The following ALMS1 variants were observed in gnomAD, a reference collection of about 807,000 sequenced individuals.
ALMS1 encodes ALMS1 centrosome and basal body associated protein.
Under a neutral mutation model 352.2 loss-of-function variants are expected in ALMS1, and 271 were observed. The ratio of observed to expected loss-of-function variants is 0.77; its 90% CI spans 0.70 to 0.85. ALMS1 has a LOEUF of 0.85. Among genes scored for constraint, ALMS1 ranks in the 40% least tolerant of loss-of-function variants. ALMS1 has a pLI of 0.00. For missense variants in ALMS1, 5,445 were observed against 4,870.7 expected (o/e 1.12, Z -3.51); for synonymous variants, 1,865 against 1,761.2 (o/e 1.06, Z -1.48).
chr2:73,534,065 C>T (rs1673977759), intron 11 of ALMS1, among the ~76,000 whole-genome samples: 1 of 151,832 alleles, frequency 6.6e-6, no homozygotes, highest in Admixed American at 6.6e-5. Flanking sequence ...CTGGTATAAC[C>T]ATAAAAATGT....
At chr2:73,414,651 G>A (rs893061758) in intron 2 of ALMS1, among the ~76,000 whole-genome samples, 5 of 151,592 alleles carry the variant, frequency 3.3e-5, no homozygotes, top group Non-Finnish European at 5.9e-5. Flanking sequence ...ACGATAAATA[G>A]CATTTGACAC....
chr2:73,431,074 G>A (rs138440045), intron 6 of ALMS1, among the ~76,000 whole-genome samples: 83 of 152,106 alleles, frequency 5.5e-4, no homozygotes, highest in South Asian at 1.7e-3. Context: ...GGTGGGAGGC[G>A]TGTTTCCTGA....
chr2:73,465,692 T>G (rs1006308858), intron 9 of ALMS1, among the ~76,000 whole-genome samples: 16 of 150,920 alleles, frequency 1.1e-4, no homozygotes, highest in Admixed American at 1.0e-3. Context: ...ACCATCAGAG[T>G]GAAGAGGAAA....
intron 11 of ALMS1, among the ~76,000 whole-genome samples, chr2:73,524,862 C>T (rs1271957563): frequency 6.6e-6 from 1 of 152,176 alleles, no homozygotes; most frequent in Non-Finnish European, 1.5e-5. Flanking sequence ...TACCCATTAA[C>T]AATCCTCACT....
At chr2:73,487,786 C>T (rs972337534) in intron 9 of ALMS1, among the ~76,000 whole-genome samples, 3 of 152,206 alleles carry the variant, frequency 2.0e-5, no homozygotes, top group African/African-American at 7.2e-5. Context: ...TAGCTCCTTT[C>T]TGCAGGCAGG....
rs1573012023 is a variant in ALMS1, at chr2:73,548,998, T to G, written c.9908-1269T>G. Among the ~76,000 whole-genome samples the G allele has an allele frequency of 3.9e-5, 6 of 152,334 alleles. No individual in the cohort carries two copies. The South Asian group carries it at 1.2e-3, about 32-fold the overall frequency. On this transcript the variant is annotated intron_variant, in intron 12 of 22. Transcript: ENST00000613296. ...ATATAATCTATTTGGCCCAGAAGGCTTGGTGTTTTCCTTGCAGTCTGTCCT... is the reference window on the plus strand; with the variant it reads ...ATATAATCTATTTGGCCCAGAAGGCGTGGTGTTTTCCTTGCAGTCTGTCCT...
intron 1 of ALMS1, among the ~76,000 whole-genome samples, chr2:73,388,402 A>G (rs1670580682): frequency 6.6e-6 from 1 of 152,192 alleles, no homozygotes; most frequent in African/African-American, 2.4e-5. Flanking sequence ...GTGATAGTGT[A>G]ACATTGTACT....
rs139483711 is a variant in ALMS1, at chr2:73,424,068, G to A, written c.765-362G>A. On this transcript the variant is annotated intron_variant, in intron 4 of 22. Coordinates refer to ENST00000613296, the MANE Select transcript of ALMS1 (RefSeq NM_001378454.1). ...GCTGGGATCATAGGTGTGAGCCACT[G>A]TGCCTGGCCTTGCATGGTTTCAAGA... Among the ~76,000 whole-genome samples the A allele has an allele frequency of 5.5e-3, 834 of 152,284 alleles. 4 individuals are homozygous for A. The highest frequency in any genetic ancestry group is 0.013 in the Admixed American group (194 of 15,304).
chr2:73,569,818 T>G (rs571843930), intron 15 of ALMS1, among the ~76,000 whole-genome samples: 1 of 152,180 alleles, frequency 6.6e-6, no homozygotes, highest in South Asian at 2.1e-4. Context: ...TCAGGAAGAG[T>G]GGTACAAAAT....
intron 2 of ALMS1, among the ~76,000 whole-genome samples, chr2:73,413,057 A>G (rs1016860965): frequency 4.0e-5 from 6 of 151,508 alleles, no homozygotes; most frequent in Non-Finnish European, 8.8e-5. Context: ...TGATTTTAAC[A>G]TTCATTTCTC....
intron 1 of ALMS1, among the ~76,000 whole-genome samples, chr2:73,388,578 T>A (rs1670584885): frequency 6.6e-6 from 1 of 152,236 alleles, no homozygotes; most frequent in South Asian, 2.1e-4. Flanking sequence ...TATTTGATTT[T>A]CTGTTTCTGA....
At chr2:73,446,368 G>A (rs1197857907) in intron 7 of ALMS1, among the ~76,000 whole-genome samples, 1 of 152,052 alleles carries the variant, frequency 6.6e-6, no homozygotes, top group African/African-American at 2.4e-5. Context: ...GTTTTGTTTT[G>A]TTAATCTGTT....
intron 2 of ALMS1, among the ~76,000 whole-genome samples, chr2:73,415,588 G>A (rs777719812): frequency 1.2e-4 from 18 of 152,152 alleles, no homozygotes; most frequent in Non-Finnish European, 2.2e-4. Flanking sequence ...AAAATTAGGA[G>A]CGTTCAATAG....
At chr2:73,455,869 A>G (rs1420525678) in intron 9 of ALMS1, among the ~76,000 whole-genome samples, 1 of 152,202 alleles carries the variant, frequency 6.6e-6, no homozygotes, top group African/African-American at 2.4e-5. Flanking sequence ...AGAGAAGACT[A>G]AATGTCACCC....
intron 11 of ALMS1, among the ~76,000 whole-genome samples, chr2:73,525,549 A>C (rs1673772861): frequency 6.6e-6 from 1 of 152,120 alleles, no homozygotes; most frequent in Admixed American, 6.5e-5. Flanking sequence ...ACCTTTTCAT[A>C]AGCCTGTTTG....
rs1019479968 is a variant in ALMS1, at chr2:73,491,154, T to G, written c.9195T>G (p.Asp3065Glu). 1.2e-6 allele frequency: 2 copies of G among 1,614,200 alleles called. No homozygotes were observed. The highest frequency in any genetic ancestry group is 1.7e-6 in the Non-Finnish European group (2 of 1,180,014). The change falls in exon 10 of 23, where the codon GAT becomes GAG. Residue 3065 changes from aspartate to glutamate, a missense_variant. By Grantham distance (45) the Asp-to-Glu change is conservative (BLOSUM62 2). Transcript: ENST00000613296. ...TSSKLDSGTLDERFHSLDAAS... is the reference protein window; with the variant it reads ...TSSKLDSGTLEERFHSLDAAS... Reference sequence around the variant, plus strand: ...CCAAGTTGGATAGTGGAACTTTAGATGAAAGATTCCATTCATTGGATGCTG... The same window carrying G: ...CCAAGTTGGATAGTGGAACTTTAGAGGAAAGATTCCATTCATTGGATGCTG...
At chr2:73,560,981 C>T (rs186298658) in intron 15 of ALMS1, among the ~76,000 whole-genome samples, 1 of 152,346 alleles carries the variant, frequency 6.6e-6, no homozygotes, top group East Asian at 1.9e-4. Flanking sequence ...GACTTTTATA[C>T]ACACTTCACA....
intron 11 of ALMS1, among the ~76,000 whole-genome samples, chr2:73,520,756 T>A (rs1673659156): frequency 6.6e-6 from 1 of 152,202 alleles, no homozygotes; most frequent in African/African-American, 2.4e-5. Context: ...ACATTTAGAG[T>A]GTTTTATATG....
At chr2:73,593,219 A>G (rs1675469089) in intron 16 of ALMS1, among the ~76,000 whole-genome samples, 2 of 151,580 alleles carry the variant, frequency 1.3e-5, no homozygotes, top group Non-Finnish European at 2.9e-5. Context: ...GTTCCATCCC[A>G]TGATGGGTCC....
Sources: gnomAD v4.1 joint callset for allele counts (sites outside exome capture counted in the v4.1 genomes callset) on GRCh38, gnomAD v4.1.1 for gene constraint, MANE v1.5 for transcripts, NCBI Gene and HGNC (gene_info 2026-07-23, HGNC 2026-07-21) for gene names.